The following SRCAP variants were observed in gnomAD, a reference collection of about 807,000 sequenced individuals.
SRCAP encodes Snf2 related CREBBP activator protein, also known as chromatin remodeling protein SRCAP.
SRCAP carries 46 observed loss-of-function variants against 263.1 expected under a neutral mutation model. That is an observed-to-expected ratio of 0.17 (90% CI 0.14 to 0.22). The LOEUF (loss-of-function observed/expected upper bound fraction) is 0.22. SRCAP is among the 10% of genes least tolerant of loss of function. The pLI, the probability that SRCAP is intolerant of heterozygous loss-of-function variation, is 1.00. For missense variants in SRCAP, 3,695 were observed against 4,181.9 expected, an observed-to-expected ratio of 0.88 and a Z score of 3.21; for synonymous variants, 1,813 against 1,662.1, an observed-to-expected ratio of 1.09 and a Z score of -2.21.
intron 3 of SRCAP, among the ~76,000 whole-genome samples, chr16:30,702,075 T>A (rs2052773080): frequency 6.6e-6 from 1 of 151,884 alleles, no homozygotes; most frequent in South Asian, 2.1e-4. Flanking sequence ...TGCCTCAGCC[T>A]CCTGAGTAGC....
At position 30,733,849 on chromosome 16, in the gene SRCAP, C is replaced by A; in HGVS notation, c.6495-45C>A. On this transcript the variant is annotated intron_variant, in intron 29 of 33. Coordinates refer to ENST00000262518, the MANE Select transcript of SRCAP (RefSeq NM_006662.3). The surrounding 1 kb of genome is among the most constrained non-coding windows in gnomAD (Gnocchi z 5.3). Reference sequence around the variant, plus strand: ...ACTTTCCGTTTACTGATGGGGTTTCCTGGATATATTTGGCTGCTTACACAC... The same window carrying A: ...ACTTTCCGTTTACTGATGGGGTTTCATGGATATATTTGGCTGCTTACACAC... 2 of 1,612,466 alleles carry A rather than the reference C, an allele frequency of 1.2e-6. No homozygotes were observed. The highest frequency in any genetic ancestry group is 1.7e-6 in the Non-Finnish European group (2 of 1,178,888).
At chr16:30,734,040 A>AG in intron 30 of SRCAP, 32 bp downstream of exon 30, 1 of 1,548,970 alleles carries the variant, frequency 6.5e-7, no homozygotes, top group Non-Finnish European at 8.8e-7. Flanking sequence ...CCTATGCAGG[A>AG]GAAAACTGCT....
chr16:30,732,017 C>T (rs927443190), intron 27 of SRCAP, among the ~76,000 whole-genome samples: 4 of 151,442 alleles, frequency 2.6e-5, no homozygotes, highest in Non-Finnish European at 4.4e-5. Flanking sequence ...TGGTGACATA[C>T]GCCTGTAGTC....
In SRCAP at chr16:30,733,548, C is replaced by T. The variant is rs555279627; in HGVS notation, c.6298-54C>T. On this transcript the variant is annotated intron_variant, in intron 28 of 33. Coordinates refer to ENST00000262518, the MANE Select transcript of SRCAP (RefSeq NM_006662.3). The surrounding 1 kb of genome is among the most constrained non-coding windows in gnomAD (Gnocchi z 5.3). ...GACGGGGTGCCACTAAGCCTTTAGA[C>T]CTGTTTTGGGGGATAAGTCTCCCAG... The T allele has an allele frequency of 1.9e-6, 3 of 1,603,780 alleles. No homozygotes were observed. Among genetic ancestry groups the T allele is most frequent in the Admixed American group, 1.7e-5 (1 of 59,318 alleles).
Position 30,739,424 on chromosome 16 carries a change from C to T in SRCAP, c.9384C>T (p.Val3128=). 4.3e-6 allele frequency: 7 copies of T among 1,614,206 alleles called. No homozygotes were observed. Among genetic ancestry groups the T allele is most frequent in the Non-Finnish European group, 5.9e-6 (7 of 1,180,032 alleles). ...RSTRLRPGSL[V]PPLETEKLPR... ...CCCGGCTGCGTCCAGGGTCTCTAGT[C>T]CCCCCACTAGAGACTGAGAAGTTGC... Residue 3128 remains valine (V), a synonymous_variant, in exon 34 of 34, where the codon GTC becomes GTT. Transcript: ENST00000262518.
intron 6 of SRCAP, among the ~76,000 whole-genome samples, chr16:30,708,971 A>G (rs558446058): frequency 3.9e-5 from 6 of 152,188 alleles, no homozygotes; most frequent in African/African-American, 1.2e-4. Flanking sequence ...GGTGCCCGCC[A>G]CCACGCCTGG....
chr16:30,736,675 T>C (rs763911335), intron 33 of SRCAP, 51 bp downstream of exon 33: 40 of 1,587,522 alleles, frequency 2.5e-5, no homozygotes, highest in Non-Finnish European at 3.1e-5. Context: ...TAATTTCTTT[T>C]TCTTTTCTCT....
Position 30,724,697 on chromosome 16 carries a change from C to T in SRCAP, c.5273C>T (p.Ser1758Phe). ...LAPAPPLAPA[S>F]PVGPAPAHTL... ...CCAGCACCCCCTCTGGCTCCAGCTT[C>T]TCCAGTGGGCCCAGCCCCAGCTCAC... The change falls in exon 25 of 34, where the codon TCT becomes TTT. Residue 1758 changes from serine to phenylalanine, a missense_variant. This residue lies in a region of SRCAP where 1,347 missense variants were observed against 1,304.4 expected (regional missense o/e 1.03). Transcript: ENST00000262518. 2 of 1,614,176 alleles carry T rather than the reference C, an allele frequency of 1.2e-6. No individual in the cohort carries two copies. The highest frequency in any genetic ancestry group is 1.6e-4 in the Middle Eastern group (1 of 6,062).
In SRCAP at chr16:30,724,813, A is replaced by C. The variant is rs752059111; in HGVS notation, c.5389A>C (p.Thr1797Pro). 6.2e-7 allele frequency: 1 copy of C among 1,613,526 alleles called. No individual in the cohort carries two copies. The highest frequency in any genetic ancestry group is 8.5e-7 in the Non-Finnish European group (1 of 1,179,722). Reference sequence around the variant, plus strand: ...GACCTTGAGCCCTGCCCCAGTTCCTACCCTGGGCCCGGCCGCAGCTCAGAC... The same window carrying C: ...GACCTTGAGCCCTGCCCCAGTTCCTCCCCTGGGCCCGGCCGCAGCTCAGAC... ...TLTLSPAPVPTLGPAAAQTLA... is the reference protein window; with the variant it reads ...TLTLSPAPVPPLGPAAAQTLA... Residue 1797 changes from threonine (T) to proline (P), a missense_variant, in exon 25 of 34, where the codon ACC becomes CCC. By Grantham distance (38) the Thr-to-Pro change is conservative (BLOSUM62 -1). This residue lies in a region of SRCAP where 1,347 missense variants were observed against 1,304.4 expected (regional missense o/e 1.03). Transcript: ENST00000262518.
At chr16:30,706,596 A>G (rs965141982) in intron 4 of SRCAP, among the ~76,000 whole-genome samples, 3 of 152,228 alleles carry the variant, frequency 2.0e-5, no homozygotes, top group Non-Finnish European at 2.9e-5. Flanking sequence ...AGTGTTAAAC[A>G]TTTCACGTAT....
chr16:30,717,406 C>T (rs1182072468), intron 18 of SRCAP, among the ~76,000 whole-genome samples: 1 of 151,540 alleles, frequency 6.6e-6, no homozygotes, highest in African/African-American at 2.4e-5. Flanking sequence ...GTTGCCTTTT[C>T]GCTATGTTGA....
At position 30,721,211 on chromosome 16, in the gene SRCAP, C is replaced by G. The variant is rs1187941652; in HGVS notation, c.3276C>G (p.Val1092=). 1.9e-6 allele frequency: 3 copies of G among 1,611,792 alleles called. No individual in the cohort carries two copies. The highest frequency in any genetic ancestry group is 2.5e-6 in the Non-Finnish European group (3 of 1,178,788). Residue 1092 remains valine (V), a synonymous_variant, in exon 21 of 34, where the codon GTC becomes GTG. Transcript: ENST00000262518. ...LPQVLPSPLG[V]LSGTSRPPTP... ...CAGTGTTGCCATCCCCCCTGGGGGT[C>G]CTGAGTGGGACCTCACGGCCTCCCA... is the stretch of plus-strand genomic sequence containing the variant.
intron 6 of SRCAP, among the ~76,000 whole-genome samples, chr16:30,709,182 C>T (rs1453026438): frequency 6.6e-6 from 1 of 152,020 alleles, no homozygotes; most frequent in African/African-American, 2.4e-5. Context: ...GTAGTTCCAC[C>T]TACGTGGGAG....
rs2052885730 is a variant in SRCAP, at chr16:30,711,070, A to C, written c.1300A>C (p.Ser434Arg). The change falls in exon 10 of 34, where the codon AGC becomes CGC. Residue 434 changes from serine (S) to arginine (R), a missense_variant. Around this residue, in one of 12 missense-constraint regions of SRCAP, gnomAD observed 288 missense variants for 302.4 expected, o/e 0.95. Coordinates refer to ENST00000262518, the MANE Select transcript of SRCAP (RefSeq NM_006662.3). ...EGEVDHAMEL[S>R]ELAREGELSM... Reference sequence around the variant, plus strand: ...GGAGGTGGATCATGCCATGGAGCTGAGCGAGTTGGCTCGAGAAGGTGACAT... The same window carrying C: ...GGAGGTGGATCATGCCATGGAGCTGCGCGAGTTGGCTCGAGAAGGTGACAT... The C allele has an allele frequency of 1.9e-6, 3 of 1,613,876 alleles. No individual in the cohort carries two copies. In the East Asian group the frequency reaches 6.7e-5, roughly 36 times the overall value.
rs1172342726 is a variant in SRCAP at position 30,733,571 on chromosome 16, C to T, written c.6298-31C>T. 6.2e-7 allele frequency: 1 copy of T among 1,604,460 alleles called. No individual in the cohort carries two copies. Among genetic ancestry groups the T allele is most frequent in the Non-Finnish European group, 8.5e-7 (1 of 1,173,518 alleles). On this transcript the variant is annotated intron_variant, in intron 28 of 33. Coordinates refer to ENST00000262518, the MANE Select transcript of SRCAP (RefSeq NM_006662.3). The surrounding 1 kb of genome is among the most constrained non-coding windows in gnomAD (Gnocchi z 5.3). The stretch of plus-strand genomic sequence containing the variant: ...GACCTGTTTTGGGGGATAAGTCTCC[C>T]AGTATCATCTTTTTTTCCCTTTCCT...
rs777505733 is a variant in SRCAP, at chr16:30,710,654, A to C, written c.1135-100A>C. 5.8e-6 allele frequency: 7 copies of C among 1,198,762 alleles called. No homozygotes were observed. The Admixed American group carries it at 8.4e-5, about 14-fold the overall frequency. 74.3% of individuals were successfully genotyped at this position (1,198,762 alleles called of 1,614,324 possible). A position where few individuals can be genotyped will look rare whatever the true frequency, so the allele number is the denominator to read the frequency against. On this transcript the variant is annotated intron_variant, in intron 8 of 33. Transcript: ENST00000262518. ...ATTATACCAGTGGCAACTGTCACTC[A>C]ATGGGACAGTGATTCTCCTGTGACA...
intron 20 of SRCAP, 93 bp downstream of exon 20, chr16:30,721,071 C>T (rs2053006648): frequency 6.5e-7 from 1 of 1,539,302 alleles, no homozygotes. Context: ...GTTTGAGGAG[C>T]TGGGCTGGGG....
intron 3 of SRCAP, among the ~76,000 whole-genome samples, chr16:30,703,851 C>T (rs1318203844): frequency 2.6e-5 from 4 of 152,036 alleles, no homozygotes; most frequent in Admixed American, 6.5e-5. Context: ...GAGCCGAGAT[C>T]GCGCCACTGC....
chr16:30,728,456 C>G (rs2053083329), intron 25 of SRCAP, among the ~76,000 whole-genome samples: 1 of 152,214 alleles, frequency 6.6e-6, no homozygotes, highest in Non-Finnish European at 1.5e-5. Context: ...TTTTCTGTCT[C>G]AGAGTGATGA....
Sources: allele counts gnomAD v4.1 joint callset (sites outside exome capture counted in the v4.1 genomes callset), GRCh38; gene constraint gnomAD v4.1.1; regional missense constraint gnomAD v4.1.1; non-coding constraint Gnocchi (gnomAD v3.1); transcripts MANE v1.5; gene names NCBI Gene and HGNC (gene_info 2026-07-23, HGNC 2026-07-21).